Variants in FBXL17 observed in about 807,000 individuals in gnomAD.
The protein encoded by FBXL17 is F-box and leucine rich repeat protein 17.
Under a neutral mutation model 66.2 loss-of-function variants are expected in FBXL17, and 22 were observed. The observed-to-expected ratio is 0.33, with a 90% CI of 0.24 to 0.47. The LOEUF (loss-of-function observed/expected upper bound fraction) is 0.47, where lower values mean the gene tolerates loss of function less well. FBXL17 is among the 20% of genes least tolerant of loss of function. FBXL17 has a pLI of 1.00. For missense variants in FBXL17, 878 were observed against 948.2 expected (o/e 0.93, Z 0.97); for synonymous variants, 474 against 400.5 (o/e 1.18, Z -2.19).
chr5:107,961,611 G>GTAGTTACAAATT (rs1375518897), intron 7 of FBXL17, among the ~76,000 whole-genome samples: 1 of 152,160 alleles, frequency 6.6e-6, no homozygotes, highest in African/African-American at 2.4e-5. Context: ...GACAGAAGAA[G>GTAGTTACAAATT]TAGTTACAAA....
chr5:108,370,615 T>A (rs540922771), intron 1 of FBXL17, among the ~76,000 whole-genome samples: 1 of 152,080 alleles, frequency 6.6e-6, no homozygotes, highest in South Asian at 2.1e-4. Flanking sequence ...TGGTGGCGCA[T>A]GCCTGTAGTC....
chr5:108,252,965 T>C (rs1756421087), intron 4 of FBXL17, among the ~76,000 whole-genome samples: 1 of 152,196 alleles, frequency 6.6e-6, no homozygotes, highest in South Asian at 2.1e-4. Context: ...GGCCCCCAAG[T>C]AGAATCTGTG....
intron 6 of FBXL17, among the ~76,000 whole-genome samples, chr5:108,152,477 T>C (rs762089593): frequency 4.6e-5 from 7 of 152,188 alleles, no homozygotes; most frequent in Non-Finnish European, 7.4e-5. Context: ...GATAAGTGCA[T>C]ATACAGGCAT....
chr5:107,910,590 T>A (rs1749917933), intron 7 of FBXL17, among the ~76,000 whole-genome samples: 1 of 152,020 alleles, frequency 6.6e-6, no homozygotes, highest in African/African-American at 2.4e-5. Context: ...ATATGAGGCA[T>A]AAAAATTGGA....
chr5:107,944,019 T>G (rs1285117947), intron 7 of FBXL17, among the ~76,000 whole-genome samples: 1 of 152,190 alleles, frequency 6.6e-6, no homozygotes, highest in Non-Finnish European at 1.5e-5. Flanking sequence ...TCTGTGCTGT[T>G]GCATATGCTG....
chr5:108,232,804 T>TATATATAA (rs1252750270), intron 4 of FBXL17, among the ~76,000 whole-genome samples: 2 of 112,030 alleles, frequency 1.8e-5, no homozygotes, highest in Non-Finnish European at 1.8e-5. Flanking sequence ...TATATATATA[T>TATATATAA]AATATATACT....
intron 6 of FBXL17, among the ~76,000 whole-genome samples, chr5:108,059,746 G>A (rs1747847967): frequency 2.0e-5 from 3 of 152,040 alleles, no homozygotes. Flanking sequence ...TTTATTCCAG[G>A]CAGGTTTATG....
At chr5:108,373,334 T>C (rs1041303765) in intron 1 of FBXL17, among the ~76,000 whole-genome samples, 1 of 131,484 alleles carries the variant, frequency 7.6e-6, no homozygotes, top group Admixed American at 8.9e-5. Flanking sequence ...TATTAATATA[T>C]ATCTAAATAT....
chr5:108,275,849 C>T (rs1449248946), intron 4 of FBXL17, among the ~76,000 whole-genome samples: 1 of 152,162 alleles, frequency 6.6e-6, no homozygotes, highest in Non-Finnish European at 1.5e-5. Context: ...ACCTAACTTT[C>T]TTTGCTGGCT....
chr5:108,375,367 GCACACACACA>G (rs61340348), intron 1 of FBXL17, among the ~76,000 whole-genome samples: 4 of 148,740 alleles, frequency 2.7e-5, no homozygotes, highest in African/African-American at 5.0e-5. Context: ...CAGAGACCCT[GCACACACACA>G]CACACACACA....
intron 4 of FBXL17, among the ~76,000 whole-genome samples, chr5:108,276,430 A>C (rs1271290234): frequency 6.6e-6 from 1 of 152,184 alleles, no homozygotes; most frequent in Non-Finnish European, 1.5e-5. Context: ...GACTTCTGTC[A>C]ACATAGTTTC....
chr5:108,262,680 A>G lies in FBXL17; in HGVS notation c.1507-38452T>C, dbSNP rs1465079604. On this transcript the variant is annotated intron_variant, in intron 4 of 8. Coordinates refer to ENST00000542267, the MANE Select transcript of FBXL17 (RefSeq NM_001163315.3). Reference sequence around the variant, plus strand: ...ATGAGACAATATACGAGAAGAAAATATGGGCCCACTTCACTTAGGAATTAG... The same window carrying G: ...ATGAGACAATATACGAGAAGAAAATGTGGGCCCACTTCACTTAGGAATTAG... Among the ~76,000 whole-genome samples, 3 of 152,128 alleles carry G rather than the reference A, an allele frequency of 2.0e-5. No individual in the cohort carries two copies. The East Asian group carries it at 5.8e-4, about 29-fold the overall frequency.
In FBXL17 at chr5:108,037,354, G is replaced by A. The variant is rs150270771; in HGVS notation, c.1746-16353C>T. Among the ~76,000 whole-genome samples the A allele has an allele frequency of 7.6e-3, 1,156 of 152,194 alleles. 20 individuals are homozygous for A. Among genetic ancestry groups the A allele is most frequent in the African/African-American group, 0.027 (1,104 of 41,532 alleles). On this transcript the variant is annotated intron_variant, in intron 6 of 8. Transcript: ENST00000542267. ...CATGAAAATTTCCACTGTAAGACAA[G>A]GAAAATATCACAGTTTGTCAATGTG...
intron 5 of FBXL17, among the ~76,000 whole-genome samples, chr5:108,210,143 G>C (rs754911000): frequency 7.9e-5 from 12 of 152,032 alleles, no homozygotes; most frequent in Non-Finnish European, 1.6e-4. Context: ...TATTTCTGTG[G>C]GATCAGTGTT....
At chr5:108,089,751 C>A (rs1018369137) in intron 6 of FBXL17, among the ~76,000 whole-genome samples, 1 of 152,184 alleles carries the variant, frequency 6.6e-6, no homozygotes, top group African/African-American at 2.4e-5. Flanking sequence ...CTGCCTCATA[C>A]ACAATAGGCA....
chr5:108,264,437 A>C (rs1033483608), intron 4 of FBXL17, among the ~76,000 whole-genome samples: 2 of 151,986 alleles, frequency 1.3e-5, no homozygotes, highest in African/African-American at 4.8e-5. Context: ...AACTGGCCAA[A>C]AAAGAGAGAG....
chr5:108,299,871 T>G (rs1758508971), intron 4 of FBXL17: 2 of 974,220 alleles, frequency 2.1e-6, no homozygotes, highest in Non-Finnish European at 2.4e-6. Flanking sequence ...GGAAAAATCA[T>G]TAGATATTTC....
intron 7 of FBXL17, among the ~76,000 whole-genome samples, chr5:107,928,734 T>C (rs1750623146): frequency 6.6e-6 from 1 of 152,156 alleles, no homozygotes; most frequent in Admixed American, 6.6e-5. Context: ...GCAAAAGGCA[T>C]GTATCCCTAA....
At chr5:107,940,589 G>A (rs1300579127) in intron 7 of FBXL17, among the ~76,000 whole-genome samples, 1 of 152,106 alleles carries the variant, frequency 6.6e-6, no homozygotes, top group Non-Finnish European at 1.5e-5. Context: ...TGGAAGGTAG[G>A]ACTGCCTATT....
Sources: gnomAD v4.1 joint callset for allele counts (sites outside exome capture counted in the v4.1 genomes callset) on GRCh38, gnomAD v4.1.1 for gene constraint, MANE v1.5 for transcripts, NCBI Gene and HGNC (gene_info 2026-07-23, HGNC 2026-07-21) for gene names.